PLEKHA6: variants seen among roughly 807,000 people sequenced by gnomAD.
The protein encoded by PLEKHA6 is pleckstrin homology domain containing A6.
Under a neutral mutation model 116.7 loss-of-function variants are expected in PLEKHA6, and 60 were observed. The observed-to-expected ratio is 0.51, with a 90% CI of 0.42 to 0.64. PLEKHA6 has a LOEUF of 0.64. Ranked by LOEUF, PLEKHA6 falls within the 30% of genes least tolerant of loss-of-function variation. The pLI, the probability that PLEKHA6 is intolerant of heterozygous loss-of-function variation, is 0.00. For synonymous variants in PLEKHA6, 489 were observed against 556.1 expected, an observed-to-expected ratio of 0.88 and a Z score of 1.70; for missense variants, 1,338 against 1,422.7, an observed-to-expected ratio of 0.94 and a Z score of 0.96.
At chr1:204,323,335 AC>A (rs1672132170) in intron 1 of PLEKHA6, among the ~76,000 whole-genome samples, 1 of 152,188 alleles carries the variant, frequency 6.6e-6, no homozygotes, top group Non-Finnish European at 1.5e-5. Flanking sequence ...TCTCCGCAGC[AC>A]CCCTCAAGGT....
chr1:204,371,621 A>G (rs1447254950), intron 1 of PLEKHA6: 2 of 152,248 alleles, frequency 1.3e-5, no homozygotes, highest in African/African-American at 4.8e-5. Context: ...AGAAAGATCA[A>G]TAAGAAAGTG....
At chr1:204,303,714 G>A (rs1303351658) in intron 1 of PLEKHA6, among the ~76,000 whole-genome samples, 1 of 152,028 alleles carries the variant, frequency 6.6e-6, no homozygotes, top group Non-Finnish European at 1.5e-5. Flanking sequence ...ATTATTTTGG[G>A]GTACGGGGGT....
In PLEKHA6 at chr1:204,221,194, T is replaced by G. The variant is rs1659601929; in HGVS notation, c.*1594A>C. 1 of 152,648 alleles carries G rather than the reference T, an allele frequency of 6.6e-6. No homozygotes were observed. 9.5% of individuals were successfully genotyped at this position (152,648 alleles called of 1,614,324 possible). A position where few individuals can be genotyped will look rare whatever the true frequency, so the allele number is the denominator to read the frequency against. ...CCTAAGCACCTACAACAGTGCCTGGTACATAAAAGGTGCTCGATAAATATT... is the reference window on the plus strand; with the variant it reads ...CCTAAGCACCTACAACAGTGCCTGGGACATAAAAGGTGCTCGATAAATATT... On this transcript the variant is annotated 3_prime_UTR_variant, in exon 23 of 23. Coordinates refer to ENST00000272203, the MANE Select transcript of PLEKHA6 (RefSeq NM_014935.5).
chr1:204,275,672 G>A lies in PLEKHA6; in HGVS notation c.-94-863C>T, dbSNP rs1667927713. Reference sequence around the variant, plus strand: ...AGGAGGCTCTCAGGGGAGATGGGGAGGAAGGCAGCAGACAGAGCGCAGAGG... The same window carrying A: ...AGGAGGCTCTCAGGGGAGATGGGGAAGAAGGCAGCAGACAGAGCGCAGAGG... On this transcript the variant is annotated intron_variant, in intron 1 of 22. Coordinates refer to ENST00000272203, the MANE Select transcript of PLEKHA6 (RefSeq NM_014935.5). 3.1e-6 allele frequency: 3 copies of A among 983,232 alleles called. No homozygotes were observed. The African/African-American group carries it at 5.2e-5, about 17-fold the overall frequency. The allele number at this position is 983,232 out of a possible 1,614,324, so 60.9% of individuals were successfully genotyped here.
intron 1 of PLEKHA6, among the ~76,000 whole-genome samples, chr1:204,373,667 A>T (rs1572239485): frequency 6.6e-6 from 1 of 152,214 alleles, no homozygotes; most frequent in Non-Finnish European, 1.5e-5. Context: ...GTTCTGGGCC[A>T]TTACAAAGAA....
chr1:204,340,454 G>A (rs758229175), intron 1 of PLEKHA6, among the ~76,000 whole-genome samples: 4 of 152,134 alleles, frequency 2.6e-5, no homozygotes, highest in African/African-American at 4.8e-5. Context: ...AGACACTCCC[G>A]TACCAGCACA....
In PLEKHA6 at chr1:204,292,561, C is replaced by T. The variant is rs575711195; in HGVS notation, c.-94-17752G>A. The stretch of plus-strand genomic sequence containing the variant: ...CCTATGTCCCTCACCCTGGCTGATG[C>T]CCACCTGTGTCCCTCGCCCTGGCTG... On this transcript the variant is annotated intron_variant, in intron 1 of 22. Coordinates refer to ENST00000272203, the MANE Select transcript of PLEKHA6 (RefSeq NM_014935.5). Among the ~76,000 whole-genome samples, 49 of 152,044 alleles carry T rather than the reference C, an allele frequency of 3.2e-4. 1 individual carries two copies. The South Asian group carries it at 4.4e-3, about 14-fold the overall frequency.
intron 1 of PLEKHA6, among the ~76,000 whole-genome samples, chr1:204,335,742 C>A (rs555708129): frequency 6.6e-5 from 10 of 152,088 alleles, no homozygotes; most frequent in African/African-American, 2.2e-4. Context: ...AAATGCTGAG[C>A]CCCGGGGGAG....
intron 1 of PLEKHA6, among the ~76,000 whole-genome samples, chr1:204,286,546 C>A (rs575632312): frequency 3.9e-5 from 6 of 152,306 alleles, no homozygotes; most frequent in African/African-American, 1.4e-4. Context: ...ATATGAGCAA[C>A]TATTCTGCAC....
intron 1 of PLEKHA6, among the ~76,000 whole-genome samples, chr1:204,353,993 C>T (rs1673351705): frequency 6.6e-6 from 1 of 152,162 alleles, no homozygotes; most frequent in African/African-American, 2.4e-5. Context: ...GTCCCAGGAA[C>T]CAAGCAAAAC....
At chr1:204,305,061 G>T (rs1415802806) in intron 1 of PLEKHA6, among the ~76,000 whole-genome samples, 6 of 152,126 alleles carry the variant, frequency 3.9e-5, no homozygotes, top group Admixed American at 3.9e-4. Flanking sequence ...TCCAAGTCAA[G>T]AATTACCTGA....
chr1:204,283,771 G>C (rs1668883826), intron 1 of PLEKHA6, among the ~76,000 whole-genome samples: 1 of 152,228 alleles, frequency 6.6e-6, no homozygotes, highest in South Asian at 2.1e-4. Flanking sequence ...TGGGCTACAG[G>C]TCTGGGGACT....
intron 1 of PLEKHA6, chr1:204,296,982 G>A (rs1468308888): frequency 3.2e-6 from 1 of 314,434 alleles, no homozygotes; most frequent in African/African-American, 2.3e-5. Flanking sequence ...CCTGAAGAAA[G>A]GAGTTCAGAT....
chr1:204,349,149 C>T (rs1470404969), intron 1 of PLEKHA6, among the ~76,000 whole-genome samples: 1 of 152,194 alleles, frequency 6.6e-6, no homozygotes, highest in Non-Finnish European at 1.5e-5. Context: ...GCCTGAGTTC[C>T]GGGCCTGGCT....
At chr1:204,282,499 G>A in intron 1 of PLEKHA6, 1 of 319,126 alleles carries the variant, frequency 3.1e-6, no homozygotes, top group Non-Finnish European at 4.5e-6. Context: ...CAGGGTCTGA[G>A]ACCTCCTCAC....
chr1:204,354,923 A>G (rs1007514008), intron 1 of PLEKHA6, among the ~76,000 whole-genome samples: 1 of 152,248 alleles, frequency 6.6e-6, no homozygotes, highest in Admixed American at 6.5e-5. Flanking sequence ...GGAGTATCCT[A>G]TAAGCCATGC....
intron 17 of PLEKHA6, 63 bp downstream of exon 17, chr1:204,241,312 C>T (rs1300931138): frequency 2.0e-6 from 2 of 992,898 alleles, no homozygotes; most frequent in East Asian, 2.5e-5. Context: ...TGAGTAGGTA[C>T]ACACACAGGC....
intron 1 of PLEKHA6, among the ~76,000 whole-genome samples, chr1:204,358,851 T>C (rs2103386818): frequency 6.6e-6 from 1 of 151,946 alleles, no homozygotes; most frequent in South Asian, 2.1e-4. Flanking sequence ...TGGCCTGTTG[T>C]CTCAAAGAGC....
intron 1 of PLEKHA6, among the ~76,000 whole-genome samples, chr1:204,316,920 A>G (rs4313452): frequency 0.51 from 76,764 of 151,852 alleles, 19,940 homozygotes; most frequent in Middle Eastern, 0.62. Flanking sequence ...CCCCAGACAG[A>G]TAAAGCGGCC....
Sources: gnomAD v4.1 joint callset for allele counts (sites outside exome capture counted in the v4.1 genomes callset) on GRCh38, gnomAD v4.1.1 for gene constraint, MANE v1.5 for transcripts, NCBI Gene and HGNC (gene_info 2026-07-23, HGNC 2026-07-21) for gene names.